RGS6: variants seen among roughly 807,000 people sequenced by gnomAD.
The protein encoded by RGS6 is regulator of G protein signaling 6.
A neutral mutation model predicts 78.5 loss-of-function variants in RGS6; 30 were observed. That is an observed-to-expected ratio of 0.38 (90% CI 0.29 to 0.52). The LOEUF (loss-of-function observed/expected upper bound fraction) is 0.52. Among genes scored for constraint, RGS6 ranks in the 20% least tolerant of loss-of-function variants. RGS6 has a pLI of 0.85. For synonymous variants in RGS6, 206 were observed against 206.0 expected (o/e 1.00, Z 0.00); for missense variants, 495 against 609.7 (o/e 0.81, Z 1.98).
chr14:72,249,355 C>G (rs2055041763), intron 2 of RGS6, among the ~76,000 whole-genome samples: 1 of 152,184 alleles, frequency 6.6e-6, no homozygotes, highest in Non-Finnish European at 1.5e-5. Flanking sequence ...AGACATTTTC[C>G]TCTTCCTGGT....
At chr14:72,096,793 G>A (rs772596519) in intron 2 of RGS6, among the ~76,000 whole-genome samples, 3 of 152,224 alleles carry the variant, frequency 2.0e-5, no homozygotes, top group Non-Finnish European at 4.4e-5. Flanking sequence ...TCCACTTTCC[G>A]TTGGTTGTGC....
intron 2 of RGS6, among the ~76,000 whole-genome samples, chr14:72,068,666 T>G (rs1261892204): frequency 2.6e-5 from 4 of 151,602 alleles, no homozygotes; most frequent in Non-Finnish European, 5.9e-5. Flanking sequence ...CCGGCTAATT[T>G]TTGCATTTTT....
chr14:72,361,007 G>A (rs934957577), intron 3 of RGS6, among the ~76,000 whole-genome samples: 2 of 151,412 alleles, frequency 1.3e-5, no homozygotes, highest in African/African-American at 2.4e-5. Context: ...TAAGACATGC[G>A]TGCTTCCCTT....
intron 3 of RGS6, among the ~76,000 whole-genome samples, chr14:72,356,415 CTG>C (rs2080302004): frequency 6.6e-6 from 1 of 152,178 alleles, no homozygotes; most frequent in Non-Finnish European, 1.5e-5. Flanking sequence ...ATGTAATTAA[CTG>C]TGAGTCAATT....
chr14:72,474,460 A>G (rs1437534255), intron 9 of RGS6, among the ~76,000 whole-genome samples, 165 bp from the exon 10 acceptor site: 1 of 152,190 alleles, frequency 6.6e-6, no homozygotes, highest in Non-Finnish European at 1.5e-5. Flanking sequence ...TCTAGATCGT[A>G]TGGGAACTCC....
At chr14:72,341,232 A>G (rs1367311941) in intron 2 of RGS6, among the ~76,000 whole-genome samples, 1 of 152,216 alleles carries the variant, frequency 6.6e-6, no homozygotes, top group African/African-American at 2.4e-5. Context: ...CATGTCTTAC[A>G]TATCTGCAGA....
At chr14:72,423,120 T>A (rs148859010) in intron 3 of RGS6, among the ~76,000 whole-genome samples, 48 of 152,188 alleles carry the variant, frequency 3.2e-4, no homozygotes, top group African/African-American at 1.2e-3. Flanking sequence ...TAGAAAAGGA[T>A]TTGTGAAGAG....
intron 2 of RGS6, among the ~76,000 whole-genome samples, chr14:72,009,356 T>TAA (rs201651286): frequency 4.7e-5 from 7 of 150,460 alleles, no homozygotes; most frequent in African/African-American, 1.7e-4. Flanking sequence ...CCCCAAACTC[T>TAA]AAAAAAAAAC....
At chr14:71,908,415 T>G in the RGS6 span, 1 of 152,342 alleles carries the variant, frequency 6.6e-6, no homozygotes, top group East Asian at 1.9e-4. Flanking sequence ...ACCGGCTGCT[T>G]TGGAAGAAAC....
chr14:72,534,494 C>T (rs140806631), intron 15 of RGS6, among the ~76,000 whole-genome samples: 588 of 152,346 alleles, frequency 3.9e-3, no homozygotes, highest in Middle Eastern at 0.01. Flanking sequence ...TAATGTTCTC[C>T]AGGTTTGTTC....
At chr14:72,171,173 AG>A (rs2097010764) in intron 2 of RGS6, among the ~76,000 whole-genome samples, 1 of 152,066 alleles carries the variant, frequency 6.6e-6, no homozygotes. Flanking sequence ...CGTGCTGAGG[AG>A]GAAAAAAAAG....
Position 72,472,890 on chromosome 14 carries a change from C to A in RGS6, c.555C>A (p.Asp185Glu). 6.2e-7 allele frequency: 1 copy of A among 1,612,754 alleles called. No individual in the cohort carries two copies. The highest frequency in any genetic ancestry group is 8.5e-7 in the Non-Finnish European group (1 of 1,179,224). Residue 185 changes from aspartate (D) to glutamate (E), a missense_variant, in exon 9 of 18, where the codon GAC becomes GAA. Transcript: ENST00000553525. ...EAQVKIDRKKDKTERKILDSQ... is the reference protein window; with the variant it reads ...EAQVKIDRKKEKTERKILDSQ... ...CTTTCAGGATTGACCGGAAAAAAGA[C>A]AAGACAGAAAGGAAAATTTTGGATA...
chr14:72,122,023 C>T (rs2096064295), intron 2 of RGS6, among the ~76,000 whole-genome samples: 1 of 152,058 alleles, frequency 6.6e-6, no homozygotes, highest in African/African-American at 2.4e-5. Context: ...GACAGTTCCC[C>T]ATAACAAAAA....
At chr14:72,187,659 C>T (rs1341045553) in intron 2 of RGS6, among the ~76,000 whole-genome samples, 1 of 152,202 alleles carries the variant, frequency 6.6e-6, no homozygotes, top group African/African-American at 2.4e-5. Flanking sequence ...AAGAGCCTAA[C>T]ACATCTCTGG....
At chr14:71,953,596 C>T (rs770464584) in intron 1 of RGS6, among the ~76,000 whole-genome samples, 11 of 151,884 alleles carry the variant, frequency 7.2e-5, no homozygotes, top group Non-Finnish European at 4.4e-5. Flanking sequence ...ACCTTTGAGT[C>T]AGTTAAATTG....
Position 72,459,676 on chromosome 14 carries a change from T to C in RGS6, c.387T>C (p.Thr129=), listed in dbSNP as rs745541040. 6.2e-7 allele frequency: 1 copy of C among 1,614,136 alleles called. No individual in the cohort carries two copies. Among genetic ancestry groups the C allele is most frequent in the African/African-American group, 1.3e-5 (1 of 75,046 alleles). Reference sequence around the variant, plus strand: ...CGAACTGCTGGGAACCTGAAAACACTGACTATGGTGAGAACTGAAGCCACT... The same window carrying C: ...CGAACTGCTGGGAACCTGAAAACACCGACTATGGTGAGAACTGAAGCCACT... ...WPSNCWEPEN[T]DYAIYLCKRT... is the part of the protein sequence containing the mutation. Residue 129 remains threonine, a synonymous_variant, in exon 6 of 18, where the codon ACT becomes ACC. Coordinates refer to ENST00000553525, the MANE Select transcript of RGS6 (RefSeq NM_001204424.2).
chr14:72,227,848 G>T (rs1465614560), intron 2 of RGS6, among the ~76,000 whole-genome samples: 1 of 152,148 alleles, frequency 6.6e-6, no homozygotes, highest in Non-Finnish European at 1.5e-5. Context: ...GTATGTTTGG[G>T]GGTCCCAGAG....
At chr14:72,359,242 A>G (rs1312866475) in intron 3 of RGS6, among the ~76,000 whole-genome samples, 1 of 152,164 alleles carries the variant, frequency 6.6e-6, no homozygotes, top group Non-Finnish European at 1.5e-5. Context: ...AACAGATATT[A>G]TTAGCGGATA....
At chr14:71,946,474 C>T (rs1283583777) in intron 1 of RGS6, among the ~76,000 whole-genome samples, 1 of 152,130 alleles carries the variant, frequency 6.6e-6, no homozygotes, top group Non-Finnish European at 1.5e-5. Context: ...ATCTTCCTAC[C>T]AAGGACTCAT....
Sources: gnomAD v4.1 joint callset for allele counts (sites outside exome capture counted in the v4.1 genomes callset) on GRCh38, gnomAD v4.1.1 for gene constraint, MANE v1.5 for transcripts, NCBI Gene and HGNC (gene_info 2026-07-23, HGNC 2026-07-21) for gene names.